MAST2: variants seen among roughly 807,000 people sequenced by gnomAD.
MAST2 encodes the protein microtubule associated serine/threonine kinase 2.
MAST2 carries 70 observed loss-of-function variants against 147.4 expected under a neutral mutation model. The observed-to-expected ratio is 0.47, with a 90% CI of 0.39 to 0.58. MAST2 has a LOEUF of 0.58. Among genes scored for constraint, MAST2 ranks in the 20% least tolerant of loss-of-function variants. MAST2 has a pLI of 0.00. For missense variants in MAST2, 2,080 were observed against 2,302.3 expected, an observed-to-expected ratio of 0.90 and a Z score of 1.98; for synonymous variants, 869 against 896.8, an observed-to-expected ratio of 0.97 and a Z score of 0.55.
chr1:45,890,584 T>C (rs1226229271), intron 4 of MAST2, among the ~76,000 whole-genome samples: 1 of 152,210 alleles, frequency 6.6e-6, no homozygotes, highest in Non-Finnish European at 1.5e-5. Flanking sequence ...GAGCCACCCC[T>C]ATGACCTCAT....
Position 45,874,030 on chromosome 1 carries a change from A to T in MAST2, c.469-8334A>T, listed in dbSNP as rs560845623. On this transcript the variant is annotated intron_variant, in intron 3 of 28. Transcript: ENST00000361297. ...GAGATGGGGTTTCACCATGTTGCCC[A>T]GTCTGGTCTCGAACTCCTGAGCTCA... 1.8e-3 allele frequency among the ~76,000 whole-genome samples: 278 copies of T among 152,266 alleles called. 1 individual carries two copies. The highest frequency in any genetic ancestry group is 6.1e-3 in the African/African-American group (254 of 41,554).
chr1:45,896,377 AGGAT>A (rs1165584105), intron 4 of MAST2, among the ~76,000 whole-genome samples: 1 of 152,038 alleles, frequency 6.6e-6, no homozygotes, highest in Non-Finnish European at 1.5e-5. Flanking sequence ...GATATTGCAA[AGGAT>A]AGAGATGAAG....
intron 5 of MAST2, among the ~76,000 whole-genome samples, chr1:45,989,386 T>C (rs561956423): frequency 6.6e-6 from 1 of 152,348 alleles, no homozygotes; most frequent in East Asian, 1.9e-4. Context: ...TACTTACCTG[T>C]AGTTCCTTTG....
intron 6 of MAST2, 59 bp from the exon 7 acceptor site, chr1:46,002,746 A>C (rs1432222635): frequency 6.8e-7 from 1 of 1,465,384 alleles, no homozygotes; most frequent in Non-Finnish European, 9.6e-7. Flanking sequence ...ACAGACAGGC[A>C]GGTTGTGGGT....
chr1:45,837,786 AT>A (rs904232682), intron 3 of MAST2, among the ~76,000 whole-genome samples: 1 of 151,242 alleles, frequency 6.6e-6, no homozygotes. Context: ...ATTATCATAT[AT>A]TTTTTTTTGA....
intron 4 of MAST2, among the ~76,000 whole-genome samples, chr1:45,891,208 T>C (rs2148399573): frequency 6.6e-6 from 1 of 152,322 alleles, no homozygotes; most frequent in East Asian, 1.9e-4. Flanking sequence ...CATTATTTTG[T>C]GCACTGGATG....
intron 4 of MAST2, among the ~76,000 whole-genome samples, chr1:45,956,062 A>G (rs1469784063): frequency 6.6e-6 from 1 of 152,154 alleles, no homozygotes; most frequent in Non-Finnish European, 1.5e-5. Context: ...GTCTGTCACT[A>G]TAGATTAGTT....
At chr1:45,865,139 G>A in intron 3 of MAST2, 1 of 456,424 alleles carries the variant, frequency 2.2e-6, no homozygotes, top group South Asian at 1.5e-5. Context: ...GAGGGTTACA[G>A]GTGAGTAAAA....
At chr1:45,843,202 A>C (rs1018929191) in intron 3 of MAST2, among the ~76,000 whole-genome samples, 6 of 151,634 alleles carry the variant, frequency 4.0e-5, no homozygotes, top group African/African-American at 9.7e-5. Flanking sequence ...ATGATTTCCA[A>C]ATTTTTTTCC....
Position 46,035,984 on chromosome 1 carries a change from T to C in MAST2, c.5315T>C (p.Leu1772Pro), listed in dbSNP as rs1557532008. 1 of 1,613,830 alleles carries C rather than the reference T, an allele frequency of 6.2e-7. No homozygotes were observed. Among genetic ancestry groups the C allele is most frequent in the Non-Finnish European group, 8.5e-7 (1 of 1,180,000 alleles). The change falls in exon 29 of 29, where the codon CTC becomes CCC. Residue 1772 changes from leucine (L) to proline (P), a missense_variant. Physicochemically the swap from Leu to Pro is moderately conservative, Grantham distance 98. Coordinates refer to ENST00000361297, the MANE Select transcript of MAST2 (RefSeq NM_015112.3). The surrounding 1 kb of genome is among the most constrained non-coding windows in gnomAD (Gnocchi z 5.5). ...CPLTQKSEPS[L>P]RRGQEPGGHQ... ...CTCACCCAGAAGTCTGAGCCCAGCC[T>C]CAGGAGGGGCCAAGAACCAGGGGGC... is the stretch of plus-strand genomic sequence containing the variant.
In MAST2 at chr1:46,022,031, A is replaced by G. The variant is rs1325238859; in HGVS notation, c.1372A>G (p.Ile458Val). Residue 458 changes from isoleucine to valine, a missense_variant, in exon 12 of 29, where the codon ATT becomes GTT. Physicochemically the swap from Ile to Val is conservative, Grantham distance 29. Coordinates refer to ENST00000361297, the MANE Select transcript of MAST2 (RefSeq NM_015112.3). ...AKEGQGIKCD[I>V]PRYIVSQLGL... ...AGAGGGACAAGGGATTAAATGTGACATTCCCCGCTACATCGTTAGCCAGCT... is the reference window on the plus strand; with the variant it reads ...AGAGGGACAAGGGATTAAATGTGACGTTCCCCGCTACATCGTTAGCCAGCT... The G allele has an allele frequency of 6.2e-7, 1 of 1,614,098 alleles. No homozygotes were observed. Among genetic ancestry groups the G allele is most frequent in the Non-Finnish European group, 8.5e-7 (1 of 1,180,028 alleles).
intron 4 of MAST2, among the ~76,000 whole-genome samples, chr1:45,947,054 G>T (rs1311997209): frequency 1.3e-5 from 2 of 152,168 alleles, no homozygotes; most frequent in Non-Finnish European, 2.9e-5. Flanking sequence ...ATTCAAGTTA[G>T]ATTAGGCCTT....
rs922919514 is a variant in MAST2, at chr1:45,929,076, A to G, written c.501-30310A>G. Among the ~76,000 whole-genome samples the G allele has an allele frequency of 7.9e-5, 12 of 152,198 alleles. 1 individual carries two copies. The South Asian group carries it at 8.3e-4, about 11-fold the overall frequency. ...ATCTGTCAGGAGGCGGGTAATGTCA[A>G]GTCTCTCCCTTGTTTTGTTAGTAGT... On this transcript the variant is annotated intron_variant, in intron 4 of 28. Coordinates refer to ENST00000361297, the MANE Select transcript of MAST2 (RefSeq NM_015112.3).
chr1:45,977,224 A>G (rs1452148217), intron 5 of MAST2, among the ~76,000 whole-genome samples: 2 of 152,262 alleles, frequency 1.3e-5, no homozygotes, highest in Non-Finnish European at 2.9e-5. Context: ...CACGTGGCTC[A>G]TGCCTGTATT....
In MAST2 at chr1:45,829,574, C is replaced by T. The variant is rs1644890327; in HGVS notation, c.461C>T (p.Ala154Val). The T allele has an allele frequency of 1.9e-6, 3 of 1,613,114 alleles. No individual in the cohort carries two copies. The East Asian group carries it at 6.7e-5, about 36-fold the overall frequency. The change falls in exon 3 of 29, where the codon GCT becomes GTT. Residue 154 changes from alanine to valine, a missense_variant. By Grantham distance (64) the Ala-to-Val change is moderately conservative. Transcript: ENST00000361297. ...SLGQSAPSLT[A>V]GLKELSLPRR... ...GGACAGTCTGCACCTTCTCTTACTG[C>T]TGGCCTGGTAAGTGTTCATAAAGGT... is the stretch of plus-strand genomic sequence containing the variant.
chr1:45,813,055 G>A (rs1557794695), intron 1 of MAST2, among the ~76,000 whole-genome samples: 1 of 151,830 alleles, frequency 6.6e-6, no homozygotes, highest in Non-Finnish European at 1.5e-5. Flanking sequence ...CTATAAAATG[G>A]CATAGTATTT....
chr1:45,970,394 G>GA lies in MAST2; in HGVS notation c.592+10917_592+10918insA, dbSNP rs202214585. Among the ~76,000 whole-genome samples, 444 of 152,248 alleles carry GA rather than the reference G, an allele frequency of 2.9e-3. 3 individuals carry two copies. The highest frequency in any genetic ancestry group is 0.02 in the East Asian group (104 of 5,178). ...AGAATTTCTGCTCCTGCCGGGCACG[G>GA]TGGCTCACACTTGTAATCCCAGCAC... is the stretch of plus-strand genomic sequence containing the variant. On this transcript the variant is annotated intron_variant, in intron 5 of 28. Coordinates refer to ENST00000361297, the MANE Select transcript of MAST2 (RefSeq NM_015112.3).
At chr1:45,810,270 T>C (rs1644251997) in intron 1 of MAST2, among the ~76,000 whole-genome samples, 1 of 152,212 alleles carries the variant, frequency 6.6e-6, no homozygotes. Flanking sequence ...GTTCCTAAAA[T>C]ACCCTCAGTG....
chr1:45,803,738 A>G lies in MAST2; in HGVS notation c.-158A>G, dbSNP rs1644057160. ...AGGAGGTCGCGGCGCCGGAGGCCCC[A>G]GAAGGCTCGAAGGCGCCGCGGGCTG... On this transcript the variant is annotated 5_prime_UTR_variant, in exon 1 of 29. Transcript: ENST00000361297. The G allele has an allele frequency of 2.9e-6, 1 of 346,862 alleles. No homozygotes were observed. Among genetic ancestry groups the G allele is most frequent in the African/African-American group, 2.2e-5 (1 of 46,378 alleles). 21.5% of individuals were successfully genotyped at this position (346,862 alleles called of 1,614,324 possible).
Sources: allele counts gnomAD v4.1 joint callset (sites outside exome capture counted in the v4.1 genomes callset), GRCh38; gene constraint gnomAD v4.1.1; non-coding constraint Gnocchi (gnomAD v3.1); transcripts MANE v1.5; gene names NCBI Gene and HGNC (gene_info 2026-07-23, HGNC 2026-07-21).